Variants in HMX1 observed in about 807,000 individuals in gnomAD.
HMX1 encodes the protein H6 family homeobox 1, also known as homeobox protein HMX1.
In HMX1, 8 loss-of-function variants were observed where a neutral mutation model predicts 8.9. The observed-to-expected ratio is 0.90, with a 90% confidence interval of 0.53 to 1.63. HMX1 has a LOEUF of 1.63. Ranked by LOEUF, HMX1 falls within the 40% of genes most tolerant of loss-of-function variation. The pLI, the probability that HMX1 is intolerant of heterozygous loss-of-function variation, is 0.00. For missense variants in HMX1, 621 were observed against 558.5 expected (o/e 1.11, Z -1.13); for synonymous variants, 311 against 283.4 (o/e 1.10, Z -0.98).
downstream of HMX1, chr4:8,866,941 TG>T: frequency 2.5e-6 from 1 of 407,148 alleles, no homozygotes; most frequent in Non-Finnish European, 3.3e-6. Flanking sequence ...GGCCCAGCCC[TG>T]GGCTCCAGGT....
chr4:8,851,571 C>A (rs911957600), intron 1 of HMX1, among the ~76,000 whole-genome samples: 10 of 151,668 alleles, frequency 6.6e-5, no homozygotes, highest in African/African-American at 2.0e-4. Flanking sequence ...GGATACAAGA[C>A]CCCCTGAGGC....
chr4:8,852,750 C>G (rs952966204), intron 1 of HMX1, among the ~76,000 whole-genome samples: 3 of 152,218 alleles, frequency 2.0e-5, no homozygotes, highest in Non-Finnish European at 4.4e-5. Context: ...AAGTTGCCTC[C>G]CAATAAATAC....
chr4:8,862,292 T>C (rs1401489120), downstream of HMX1, among the ~76,000 whole-genome samples: 1 of 152,226 alleles, frequency 6.6e-6, no homozygotes, highest in African/African-American at 2.4e-5. Context: ...TGGGCGTAGA[T>C]AAACCTGCAA....
At chr4:8,850,288 C>A (rs1475277644) in intron 1 of HMX1, among the ~76,000 whole-genome samples, 1 of 152,174 alleles carries the variant, frequency 6.6e-6, no homozygotes, top group South Asian at 2.1e-4. Flanking sequence ...GGAGCCTCTG[C>A]ACAGTGTGGG....
At chr4:8,865,683 G>A (rs1314213909), downstream of HMX1, among the ~76,000 whole-genome samples, 2 of 151,918 alleles carry the variant, frequency 1.3e-5, no homozygotes, top group African/African-American at 4.8e-5. Flanking sequence ...GGGGGTGAGG[G>A]TTGGGACTTT....
Position 8,848,644 on chromosome 4 carries a change from A to G in HMX1, c.395-2320T>C, listed in dbSNP as rs1286257601. On this transcript the variant is annotated intron_variant, in intron 1 of 1. Transcript: ENST00000506970. This position sits in a 1 kb window ranked among gnomAD's most constrained non-coding sequence, Gnocchi z 4.1. Reference sequence around the variant, plus strand: ...GGTGCCGGCTGCTGTAGACCAACCTAAACCAGGCTCCCCCATCCCCCTTTT... The same window carrying G: ...GGTGCCGGCTGCTGTAGACCAACCTGAACCAGGCTCCCCCATCCCCCTTTT... 6.6e-6 allele frequency among the ~76,000 whole-genome samples: 1 copy of G among 152,138 alleles called. No individual in the cohort carries two copies. Among genetic ancestry groups the G allele is most frequent in the Non-Finnish European group, 1.5e-5 (1 of 68,018 alleles).
intron 1 of HMX1, among the ~76,000 whole-genome samples, chr4:8,858,488 G>C (rs1040794607): frequency 1.6e-4 from 24 of 152,328 alleles, no homozygotes; most frequent in African/African-American, 5.3e-4. Context: ...AGAGCCCCAA[G>C]ACCCAGGCGC....
At chr4:8,850,654 A>G (rs1721418021) in intron 1 of HMX1, among the ~76,000 whole-genome samples, 2 of 152,060 alleles carry the variant, frequency 1.3e-5, no homozygotes, top group Admixed American at 1.3e-4. Flanking sequence ...CTGTGTTCAC[A>G]CCATCCCTTC....
Position 8,870,102 on chromosome 4 carries a change from C to T in HMX1, c.394+1119G>A, listed in dbSNP as rs572682773. ...GGTTATCTAACAAGTGAGTGAGGGT[C>T]GTAGGCCACTTACTCCCCAGCACAC... On this transcript the variant is annotated intron_variant, in intron 1 of 1. Coordinates refer to ENST00000400677, the MANE Select transcript of HMX1 (RefSeq NM_018942.3). The surrounding 1 kb of genome is among the most constrained non-coding windows in gnomAD (Gnocchi z 4.4). Among the ~76,000 whole-genome samples, 16 of 152,182 alleles carry T rather than the reference C, an allele frequency of 1.1e-4. 1 individual carries two copies. The South Asian group carries it at 2.3e-3, about 22-fold the overall frequency.
At chr4:8,863,518 C>G (rs1721898669), downstream of HMX1, among the ~76,000 whole-genome samples, 1 of 152,258 alleles carries the variant, frequency 6.6e-6, no homozygotes, top group Non-Finnish European at 1.5e-5. Context: ...CTGGGCACCC[C>G]TCCCCTGCAC....
chr4:8,871,143 C>T lies in HMX1; in HGVS notation c.394+78G>A. On this transcript the variant is annotated intron_variant, in intron 1 of 1. Transcript: ENST00000400677. The surrounding 1 kb of genome is among the most constrained non-coding windows in gnomAD (Gnocchi z 4.8). Reference sequence around the variant, plus strand: ...ATGGCCCAGAACGGGCGGCGACGAGCCCGAAGTCCCCCAGCAAATGCGCAG... The same window carrying T: ...ATGGCCCAGAACGGGCGGCGACGAGTCCGAAGTCCCCCAGCAAATGCGCAG... 1.6e-6 allele frequency: 2 copies of T among 1,261,282 alleles called. No individual in the cohort carries two copies. The highest frequency in any genetic ancestry group is 2.0e-6 in the Non-Finnish European group (2 of 992,484). The allele number at this position is 1,261,282 out of a possible 1,614,324, so 78.1% of individuals were successfully genotyped here. A position where few individuals can be genotyped will look rare whatever the true frequency, so the allele number is the denominator to read the frequency against.
chr4:8,846,403 G>A (rs1227584024), intron 1 of HMX1: 2 of 1,154,838 alleles, frequency 1.7e-6, no homozygotes, highest in East Asian at 5.4e-5. Flanking sequence ...ATGCTCCACT[G>A]CCAGCCACAT....
chr4:8,857,657 G>C (rs571072269), intron 1 of HMX1, among the ~76,000 whole-genome samples: 4 of 152,168 alleles, frequency 2.6e-5, no homozygotes, highest in Non-Finnish European at 5.9e-5. Flanking sequence ...CCCAGCTTCC[G>C]GATCGTTCCG....
rs1222867451 is a variant in HMX1 at position 8,868,498 on chromosome 4, C to T, written c.395-153G>A. Among the ~76,000 whole-genome samples, 3 of 152,166 alleles carry T rather than the reference C, an allele frequency of 2.0e-5. No individual in the cohort carries two copies. The highest frequency in any genetic ancestry group is 4.4e-5 in the Non-Finnish European group (3 of 68,030). ...TGGGCACCCAGCAGCTCTGGGGATG[C>T]ACACATTGTCAGAACCGTGGGAGGC... On this transcript the variant is annotated intron_variant, in intron 1 of 1. Coordinates refer to ENST00000400677, the MANE Select transcript of HMX1 (RefSeq NM_018942.3). The surrounding 1 kb of genome is among the most constrained non-coding windows in gnomAD (Gnocchi z 4.6).
chr4:8,861,072 G>T (rs1290113013), intron 1 of HMX1, among the ~76,000 whole-genome samples: 10 of 152,066 alleles, frequency 6.6e-5, no homozygotes, highest in African/African-American at 2.4e-4. Flanking sequence ...TGAAGAGGCG[G>T]GGCCGAGTCG....
intron 1 of HMX1, among the ~76,000 whole-genome samples, chr4:8,852,565 G>A (rs1721486664): frequency 6.6e-6 from 1 of 152,214 alleles, no homozygotes; most frequent in Non-Finnish European, 1.5e-5. Flanking sequence ...CTGGGTGTGG[G>A]GAACTGGACG....
downstream of HMX1, among the ~76,000 whole-genome samples, chr4:8,865,696 C>A (rs1002240066): frequency 1.3e-5 from 2 of 151,838 alleles, no homozygotes; most frequent in Non-Finnish European, 2.9e-5. Flanking sequence ...GGGACTTTGC[C>A]TGAGTGGCCA....
chr4:8,870,324 C>A lies in HMX1; in HGVS notation c.394+897G>T, dbSNP rs944057811. Among the ~76,000 whole-genome samples the A allele has an allele frequency of 6.6e-6, 1 of 151,742 alleles. No individual in the cohort carries two copies. Among genetic ancestry groups the A allele is most frequent in the African/African-American group, 2.4e-5 (1 of 41,276 alleles). ...AAGGGCAGGTACAAAAGGGAGGCAG[C>A]GACCCTGGAACCCTGGGGAGGGGAA... On this transcript the variant is annotated intron_variant, in intron 1 of 1. Transcript: ENST00000400677. This position sits in a 1 kb window ranked among gnomAD's most constrained non-coding sequence, Gnocchi z 4.4.
At chr4:8,861,455 C>G (rs902458110) in intron 1 of HMX1, among the ~76,000 whole-genome samples, 2 of 152,148 alleles carry the variant, frequency 1.3e-5, no homozygotes, top group African/African-American at 4.8e-5. Context: ...GGGAGAATCA[C>G]GCTCGGGAAA....
Sources: gnomAD v4.1 joint callset for allele counts (sites outside exome capture counted in the v4.1 genomes callset) on GRCh38, gnomAD v4.1.1 for gene constraint, Gnocchi (gnomAD v3.1) non-coding constraint, MANE v1.5 for transcripts, NCBI Gene and HGNC (gene_info 2026-07-23, HGNC 2026-07-21) for gene names.